NASP: variants seen among roughly 807,000 people sequenced by gnomAD.
NASP encodes the protein nuclear autoantigenic sperm protein.
In NASP, 24 loss-of-function variants were observed where a neutral mutation model predicts 89.5. That is an observed-to-expected ratio of 0.27 (90% CI 0.19 to 0.38). NASP has a LOEUF of 0.38. Ranked by LOEUF, NASP falls within the 10% of genes least tolerant of loss-of-function variation. The pLI is 1.00. For missense variants in NASP, 848 were observed against 921.4 expected (o/e 0.92, Z 1.03); for synonymous variants, 306 against 324.7 (o/e 0.94, Z 0.62).
chr1:45,595,645 A>G (rs1643677710), intron 2 of NASP, among the ~76,000 whole-genome samples: 1 of 152,212 alleles, frequency 6.6e-6, no homozygotes, highest in Non-Finnish European at 1.5e-5. Flanking sequence ...TGATTGTGCA[A>G]AAGTAATGGT....
At position 45,616,652 on chromosome 1, in the gene NASP, T is replaced by G. The variant is rs756966119; in HGVS notation, c.2106T>G (p.Gly702=). ...TTGCCAGTAGAAAGCCAACAGACGG[T>G]GCTTCCTCATCAAATTGTGTGACTG... The part of the protein sequence containing the change: ...SMIASRKPTD[G]ASSSNCVTDI... The change falls in exon 13 of 15, where the codon GGT becomes GGG. Residue 702 remains glycine, a synonymous_variant. Transcript: ENST00000350030. 47 of 1,614,198 alleles carry G rather than the reference T, an allele frequency of 2.9e-5. No individual in the cohort carries two copies. In the South Asian group the frequency reaches 5.2e-4, roughly 18 times the overall value.
intron 1 of NASP, among the ~76,000 whole-genome samples, chr1:45,584,585 C>T (rs908099805): frequency 3.9e-5 from 6 of 152,112 alleles, no homozygotes; most frequent in African/African-American, 1.4e-4. Flanking sequence ...TCTGGTAGAA[C>T]CCCTGGATAA....
intron 10 of NASP, 51 bp from the exon 11 acceptor site, chr1:45,615,254 G>A (rs1397881878): frequency 6.2e-7 from 1 of 1,611,742 alleles, no homozygotes; most frequent in Admixed American, 1.7e-5. Flanking sequence ...AATTAACAAG[G>A]AAGAAAACAG....
chr1:45,587,661 C>CATATATATATATATATATATAT lies in NASP; in HGVS notation c.59+3462_59+3483dup, dbSNP rs1553169239. 4.2e-3 allele frequency among the ~76,000 whole-genome samples: 27 copies of CATATATATATATATATATATAT among 6,388 alleles called. 3 individuals are homozygous for CATATATATATATATATATATAT. Among genetic ancestry groups the CATATATATATATATATATATAT allele is most frequent in the African/African-American group, 0.015 (21 of 1,380 alleles). 4.2% of individuals were successfully genotyped at this position (6,388 alleles called of 152,430 possible). A position where few individuals can be genotyped will look rare whatever the true frequency, so the allele number is the denominator to read the frequency against. On this transcript the variant is annotated intron_variant, in intron 1 of 14. Transcript: ENST00000350030. ...CTATGAGGTTTGTCTTGAGTTTTTT[C>CATATATATATATATATATATAT]ATATATATATATATATATATATATA... is the stretch of plus-strand genomic sequence containing the variant.
Position 45,618,120 on chromosome 1 carries a change from A to T in NASP, c.2346A>T (p.Thr782=), listed in dbSNP as rs763687597. 6.3e-7 allele frequency: 1 copy of T among 1,597,890 alleles called. No homozygotes were observed. The highest frequency in any genetic ancestry group is 1.3e-5 in the African/African-American group (1 of 74,698). The change falls in exon 15 of 15, where the codon ACA becomes ACT. Residue 782 remains threonine (T), a synonymous_variant. Transcript: ENST00000350030. The stretch of plus-strand genomic sequence containing the variant: ...AGGGGACAGTGGAGGCTGGAGCTAC[A>T]GTTGAAAGCACTGCATGTTAAGAGG... ...AVEGTVEAGA[T]VESTAC
intron 6 of NASP, 117 bp downstream of exon 6, chr1:45,608,454 A>T: frequency 9.2e-7 from 1 of 1,082,484 alleles, no homozygotes; most frequent in Non-Finnish European, 1.3e-6. Context: ...GGATTAGGAA[A>T]GGGCTAAATG....
chr1:45,594,630 C>T (rs1643642879), intron 2 of NASP: 1 of 430,264 alleles, frequency 2.3e-6, no homozygotes. Flanking sequence ...CCTTAGACTC[C>T]TGGGTAGCTA....
At chr1:45,588,496 C>T (rs1018373638) in intron 1 of NASP, among the ~76,000 whole-genome samples, 1 of 152,134 alleles carries the variant, frequency 6.6e-6, no homozygotes, top group Non-Finnish European at 1.5e-5. Flanking sequence ...CTCAAACAGT[C>T]CTTCTGCCTT....
chr1:45,606,490 A>G lies in NASP; in HGVS notation c.308A>G (p.Asn103Ser), dbSNP rs1557659973. Residue 103 changes from asparagine to serine, a missense_variant, in exon 5 of 15, where the codon AAT becomes AGT. Coordinates refer to ENST00000350030, the MANE Select transcript of NASP (RefSeq NM_002482.4). ...TTCTTTTGTTCTCCTAGAATGGAGA[A>G]TGGTGTGTTGGGAAACGCCTTGGAA... ...KSLLELARME[N>S]GVLGNALEGV... 6.2e-7 allele frequency: 1 copy of G among 1,612,926 alleles called. No individual in the cohort carries two copies. Among genetic ancestry groups the G allele is most frequent in the Middle Eastern group, 1.7e-4 (1 of 6,042 alleles).
Position 45,618,090 on chromosome 1 carries a change from A to C in NASP, c.2316A>C (p.Ala772=). 6.2e-7 allele frequency: 1 copy of C among 1,603,848 alleles called. No individual in the cohort carries two copies. The highest frequency in any genetic ancestry group is 8.5e-7 in the Non-Finnish European group (1 of 1,175,062). The change falls in exon 15 of 15, where the codon GCA becomes GCC. Residue 772 remains alanine (A), a synonymous_variant. Transcript: ENST00000350030. ...AGAATCAGGCTGAAAGCCGGGCAGC[A>C]GTGGAGGGGACAGTGGAGGCTGGAG... ...EAENQAESRA[A]VEGTVEAGAT...
chr1:45,593,830 G>A (rs563946037), intron 2 of NASP, among the ~76,000 whole-genome samples: 1 of 150,210 alleles, frequency 6.7e-6, no homozygotes, highest in Non-Finnish European at 1.5e-5. Context: ...ACCAGCCTGG[G>A]CAACATAGCA....
rs1643545054 is a variant in NASP, at chr1:45,591,412, T to C, written c.107+142T>C. The C allele has an allele frequency of 1.0e-5, 6 of 598,106 alleles. 1 individual carries two copies. In the South Asian group the frequency reaches 1.4e-4, roughly 14 times the overall value. 37.0% of individuals were successfully genotyped at this position (598,106 alleles called of 1,614,324 possible). Reference sequence around the variant, plus strand: ...CTTTGTTGCTCAGGCCGAAGTGCAGTGTGCAATCAGGGCTCACTACAACCT... The same window carrying C: ...CTTTGTTGCTCAGGCCGAAGTGCAGCGTGCAATCAGGGCTCACTACAACCT... On this transcript the variant is annotated intron_variant, in intron 2 of 14. Transcript: ENST00000350030.
intron 2 of NASP, 134 bp from the exon 3 acceptor site, chr1:45,602,121 T>C: frequency 2.9e-6 from 3 of 1,022,950 alleles, no homozygotes. Flanking sequence ...TGATGGTAAA[T>C]AAGTGTGTTA....
intron 2 of NASP, among the ~76,000 whole-genome samples, chr1:45,595,330 A>G (rs968896931): frequency 3.9e-5 from 6 of 152,018 alleles, no homozygotes; most frequent in Admixed American, 6.6e-5. Context: ...TTCTTTATAT[A>G]TTCTTAAACA....
At chr1:45,591,855 C>G (rs796084736) in intron 2 of NASP, among the ~76,000 whole-genome samples, 26 of 152,248 alleles carry the variant, frequency 1.7e-4, no homozygotes, top group African/African-American at 6.0e-4. Flanking sequence ...GGGTCTTGCT[C>G]TGTTGCCCAA....
At chr1:45,594,154 C>T (rs1047287498) in intron 2 of NASP, among the ~76,000 whole-genome samples, 11 of 129,330 alleles carry the variant, frequency 8.5e-5, no homozygotes, top group South Asian at 5.3e-4. Flanking sequence ...GGTGAAACCC[C>T]GTCTCTACTA....
chr1:45,613,332 T>C (rs779619450), intron 7 of NASP, 84 bp downstream of exon 7: 24 of 1,463,292 alleles, frequency 1.6e-5, no homozygotes, highest in Admixed American at 8.8e-5. Context: ...CTAGGCTGGA[T>C]TGCAGTGGGG....
intron 6 of NASP, 30 bp downstream of exon 6, chr1:45,608,367 G>T: frequency 6.4e-7 from 1 of 1,571,540 alleles, no homozygotes; most frequent in Non-Finnish European, 8.6e-7. Flanking sequence ...GCTGCAGTGG[G>T]TGGAGTACAT....
chr1:45,585,368 T>C (rs1644518174), intron 1 of NASP, among the ~76,000 whole-genome samples: 1 of 152,222 alleles, frequency 6.6e-6, no homozygotes, highest in Non-Finnish European at 1.5e-5. Flanking sequence ...CACTCTGTCA[T>C]GATTATGTCT....
Sources: gnomAD v4.1 joint callset for allele counts (sites outside exome capture counted in the v4.1 genomes callset) on GRCh38, gnomAD v4.1.1 for gene constraint, MANE v1.5 for transcripts, NCBI Gene and HGNC (gene_info 2026-07-23, HGNC 2026-07-21) for gene names.